FHDC1: variants seen among roughly 807,000 people sequenced by gnomAD.
The protein encoded by FHDC1 is FH2 domain containing 1.
Under a neutral mutation model 52.6 loss-of-function variants are expected in FHDC1, and 25 were observed. That is an observed-to-expected ratio of 0.48 (90% CI 0.35 to 0.66). The LOEUF is 0.66. FHDC1 is among the 30% of genes least tolerant of loss of function. FHDC1 has a pLI of 0.01. For missense variants in FHDC1, 1,459 were observed against 1,452.8 expected, an observed-to-expected ratio of 1.00 and a Z score of -0.07; for synonymous variants, 616 against 581.5, an observed-to-expected ratio of 1.06 and a Z score of -0.85.
At chr4:152,967,748 A>T (rs926183588) in intron 9 of FHDC1, among the ~76,000 whole-genome samples, 2 of 152,236 alleles carry the variant, frequency 1.3e-5, no homozygotes, top group African/African-American at 4.8e-5. Context: ...TCTTACCATC[A>T]AGAGTACAGT....
chr4:152,930,270 G>T, the FHDC1 span, among the ~76,000 whole-genome samples: 1 of 152,178 alleles, frequency 6.6e-6, no homozygotes, highest in African/African-American at 2.4e-5. Context: ...CTCTGGCATA[G>T]TTTTGAGAAA....
chr4:152,933,430 T>A (rs1365215836), upstream of FHDC1, among the ~76,000 whole-genome samples: 5 of 152,072 alleles, frequency 3.3e-5, no homozygotes, highest in African/African-American at 1.2e-4. Context: ...CTATGTACAA[T>A]TTGAAAAATA....
chr4:152,915,614 C>T, the FHDC1 span, among the ~76,000 whole-genome samples: 1 of 152,010 alleles, frequency 6.6e-6, no homozygotes, highest in Non-Finnish European at 1.5e-5. Context: ...GAAGAGTGGC[C>T]AGTTTTTTAA....
At chr4:152,959,609 C>T (rs2149950552) in intron 4 of FHDC1, among the ~76,000 whole-genome samples, 1 of 152,142 alleles carries the variant, frequency 6.6e-6, no homozygotes, top group Non-Finnish European at 1.5e-5. Context: ...CTATGTTGCC[C>T]AGGCTAGTCT....
chr4:152,968,157 G>A, intron 10 of FHDC1, 60 bp downstream of exon 10: 1 of 1,238,816 alleles, frequency 8.1e-7, no homozygotes, highest in Admixed American at 2.1e-5. Context: ...CCCCGGGGCT[G>A]GTTAAATTTG....
chr4:152,924,706 T>G, the FHDC1 span, among the ~76,000 whole-genome samples: 2 of 152,118 alleles, frequency 1.3e-5, no homozygotes, highest in Admixed American at 1.3e-4. Context: ...TCATGTCATT[T>G]GTAGGGACAT....
intron 4 of FHDC1, among the ~76,000 whole-genome samples, chr4:152,956,969 G>C (rs571188103): frequency 6.6e-6 from 1 of 152,134 alleles, no homozygotes; most frequent in Non-Finnish European, 1.5e-5. Flanking sequence ...GGGGAAAGCC[G>C]AAGCCGCTCC....
chr4:152,947,134 G>T (rs770923265), intron 2 of FHDC1, among the ~76,000 whole-genome samples: 1 of 151,386 alleles, frequency 6.6e-6, no homozygotes, highest in Admixed American at 6.6e-5. Flanking sequence ...GATGAGAATC[G>T]CTTGAACCCA....
chr4:152,938,732 G>GT (rs1739490205), intron 1 of FHDC1, among the ~76,000 whole-genome samples: 1 of 152,190 alleles, frequency 6.6e-6, no homozygotes, highest in Non-Finnish European at 1.5e-5. Context: ...AAGGAGAAAG[G>GT]TTTTCTGGCA....
chr4:152,974,687 C>A lies in FHDC1; in HGVS notation c.1396C>A (p.Arg466=). ...FNKAVKDNHD[R]EAQELRQLQR... ...CTCCATCCCTCAGGACAACCACGAC[C>A]GGGAGGCGCAGGAGCTGAGGCAGCT... The change falls in exon 12 of 12, where the codon CGG becomes AGG. Residue 466 remains arginine, a synonymous_variant. Transcript: ENST00000511601. 1 of 1,510,024 alleles carries A rather than the reference C, an allele frequency of 6.6e-7. No individual in the cohort carries two copies. The highest frequency in any genetic ancestry group is 8.9e-7 in the Non-Finnish European group (1 of 1,129,460). The allele number at this position is 1,510,024 out of a possible 1,614,324, so 93.5% of individuals were successfully genotyped here.
In FHDC1 at chr4:152,979,168, G is replaced by C. The variant is rs1310509480; in HGVS notation, c.*2445G>C. 1 of 152,056 alleles carries C rather than the reference G, an allele frequency of 6.6e-6. No individual in the cohort carries two copies. The highest frequency in any genetic ancestry group is 1.5e-5 in the Non-Finnish European group (1 of 68,016). The allele number at this position is 152,056 out of a possible 1,614,324, so 9.4% of individuals were successfully genotyped here. A position where few individuals can be genotyped will look rare whatever the true frequency, so the allele number is the denominator to read the frequency against. On this transcript the variant is annotated 3_prime_UTR_variant, in exon 12 of 12. Transcript: ENST00000511601. ...GGCCCTTCCTCTATCATGGATGCTG[G>C]GTGACTTTGGGAAGTCACCACCTCT...
chr4:152,972,687 G>A (rs923547152), intron 11 of FHDC1, 146 bp downstream of exon 11: 18 of 991,950 alleles, frequency 1.8e-5, no homozygotes, highest in African/African-American at 6.6e-5. Context: ...CCAGGCTCTC[G>A]GCTGGGATTG....
At chr4:152,955,577 C>T (rs1024186733) in intron 4 of FHDC1, among the ~76,000 whole-genome samples, 7 of 152,200 alleles carry the variant, frequency 4.6e-5, no homozygotes, top group East Asian at 1.9e-4. Flanking sequence ...CTCCACCTCC[C>T]GGATTCAAGC....
Position 152,942,989 on chromosome 4 carries a change from A to T in FHDC1, c.-69A>T. The stretch of plus-strand genomic sequence containing the variant: ...AGATAGCAGCAGGTGAAAAAGTGCT[A>T]CACAAGTTTGATGTTTGTGTCTTCT... On this transcript the variant is annotated 5_prime_UTR_variant, in exon 2 of 12. Transcript: ENST00000511601. The T allele has an allele frequency of 2.0e-6, 3 of 1,530,228 alleles. No homozygotes were observed. The allele number at this position is 1,530,228 out of a possible 1,614,324, so 94.8% of individuals were successfully genotyped here. A position where few individuals can be genotyped will look rare whatever the true frequency, so the allele number is the denominator to read the frequency against.
Position 152,970,171 on chromosome 4 carries a change from T to C in FHDC1, c.1218+2074T>C, listed in dbSNP as rs17029355. On this transcript the variant is annotated intron_variant, in intron 10 of 11. Coordinates refer to ENST00000511601, the MANE Select transcript of FHDC1 (RefSeq NM_001371116.1). ...TCTTCAAGGATTCAGAGCAGAAAAA[T>C]AACAGGAACACATTTTTGCAGATCT... Among the ~76,000 whole-genome samples, 1,257 of 152,194 alleles carry C rather than the reference T, an allele frequency of 8.3e-3. 18 individuals carry two copies. The highest frequency in any genetic ancestry group is 0.028 in the African/African-American group (1,173 of 41,504).
At chr4:152,971,645 A>C (rs923707388) in intron 10 of FHDC1, among the ~76,000 whole-genome samples, 1 of 152,222 alleles carries the variant, frequency 6.6e-6, no homozygotes, top group Non-Finnish European at 1.5e-5. Context: ...ATTAGGAGAA[A>C]ATGAAGAAGC....
chr4:152,962,925 C>T (rs1740321816), intron 7 of FHDC1, 41 bp downstream of exon 7: 11 of 1,568,812 alleles, frequency 7.0e-6, no homozygotes, highest in Non-Finnish European at 9.6e-6. Flanking sequence ...ATGTTTTCAA[C>T]CTTGTCTATC....
chr4:152,947,468 C>A (rs1173992809), intron 2 of FHDC1, among the ~76,000 whole-genome samples: 2 of 152,158 alleles, frequency 1.3e-5, no homozygotes, highest in Non-Finnish European at 2.9e-5. Context: ...TAGTTCCTGA[C>A]CCTCTATTAC....
In FHDC1 at chr4:152,979,237, C is replaced by T. The variant is rs1579112291; in HGVS notation, c.*2514C>T. ...TATCACAGATGTGGGGCCATGGCCTCGATGATGGTCTCCACAGGTCTTTCC... is the reference window on the plus strand; with the variant it reads ...TATCACAGATGTGGGGCCATGGCCTTGATGATGGTCTCCACAGGTCTTTCC... On this transcript the variant is annotated 3_prime_UTR_variant, in exon 12 of 12. Transcript: ENST00000511601. 2 of 152,196 alleles carry T rather than the reference C, an allele frequency of 1.3e-5. No individual in the cohort carries two copies. The highest frequency in any genetic ancestry group is 1.9e-4 in the East Asian group (1 of 5,182). 9.4% of individuals were successfully genotyped at this position (152,196 alleles called of 1,614,324 possible).
Sources: gnomAD v4.1 joint callset for allele counts (sites outside exome capture counted in the v4.1 genomes callset) on GRCh38, gnomAD v4.1.1 for gene constraint, MANE v1.5 for transcripts, NCBI Gene and HGNC (gene_info 2026-07-23, HGNC 2026-07-21) for gene names.